OTUD4: variants seen among roughly 807,000 people sequenced by gnomAD.
OTUD4 encodes the protein OTU domain-containing protein 4.
In OTUD4, 24 loss-of-function variants were observed where a neutral mutation model predicts 130.4. The observed-to-expected ratio is 0.18, with a 90% CI of 0.13 to 0.26. The LOEUF (loss-of-function observed/expected upper bound fraction) is 0.26. OTUD4 is among the 10% of genes least tolerant of loss of function. OTUD4 has a pLI of 1.00. For missense variants in OTUD4, 1,031 were observed against 1,329.4 expected (o/e 0.78, Z 3.49); for synonymous variants, 420 against 472.5 (o/e 0.89, Z 1.44).
rs548801939 is a variant in OTUD4, at chr4:145,160,704, G to A, written c.497-1069C>T. ...GGTGCACACCTGTAATTCCAGCTAC[G>A]CAGGAGGCCGAGGCAGCAGAATCGC... On this transcript the variant is annotated intron_variant, in intron 6 of 20. Transcript: ENST00000447906. Among the ~76,000 whole-genome samples the A allele has an allele frequency of 1.2e-3, 182 of 152,100 alleles. 1 individual carries two copies. The highest frequency in any genetic ancestry group is 1.4e-3 in the Non-Finnish European group (93 of 68,004).
chr4:145,151,652 T>A (rs1458242398), intron 11 of OTUD4, among the ~76,000 whole-genome samples: 1 of 151,896 alleles, frequency 6.6e-6, no homozygotes, highest in Non-Finnish European at 1.5e-5. Flanking sequence ...ATGAAAAAAA[T>A]TTGCCAAACG....
intron 17 of OTUD4, among the ~76,000 whole-genome samples, chr4:145,142,994 ACT>A (rs1325694422): frequency 1.3e-5 from 2 of 152,158 alleles, no homozygotes; most frequent in Admixed American, 6.5e-5. Flanking sequence ...GATGCAGATA[ACT>A]CTTTTAAATT....
chr4:145,173,450 CAT>C (rs1752275109), intron 2 of OTUD4, among the ~76,000 whole-genome samples: 1 of 152,076 alleles, frequency 6.6e-6, no homozygotes, highest in Non-Finnish European at 1.5e-5. Flanking sequence ...TAATGCCTGG[CAT>C]ATAGTAAGCA....
chr4:145,167,328 AG>A (rs1751926622), intron 3 of OTUD4, among the ~76,000 whole-genome samples: 1 of 152,240 alleles, frequency 6.6e-6, no homozygotes, highest in Non-Finnish European at 1.5e-5. Context: ...TTTCCCTCAG[AG>A]ACTTTTCAAT....
At chr4:145,168,906 A>G (rs1197096764) in intron 3 of OTUD4, among the ~76,000 whole-genome samples, 2 of 152,262 alleles carry the variant, frequency 1.3e-5, no homozygotes, top group African/African-American at 4.8e-5. Context: ...TTAAATATCA[A>G]TCAGCTGGTA....
Position 145,141,413 on chromosome 4 carries a change from A to G in OTUD4, c.2049T>C (p.Tyr683=), listed in dbSNP as rs768192851. ...EKGDRAIVPP[Y]SLCQTGEDLP... is the part of the protein sequence containing the mutation. The stretch of plus-strand genomic sequence containing the variant: ...GGTCCTCCCCAGTCTGACACAGTGA[A>G]TAAGGTGGTACAATGGCTCGATCTC... The change falls in exon 19 of 21, where the codon TAT becomes TAC. Residue 683 remains tyrosine, a synonymous_variant. Transcript: ENST00000447906. 11 of 1,613,368 alleles carry G rather than the reference A, an allele frequency of 6.8e-6. No individual in the cohort carries two copies. Among genetic ancestry groups the G allele is most frequent in the African/African-American group, 1.3e-5 (1 of 75,010 alleles).
At chr4:145,144,708 C>T (rs1436934871) in intron 14 of OTUD4, among the ~76,000 whole-genome samples, 1 of 152,124 alleles carries the variant, frequency 6.6e-6, no homozygotes, top group African/African-American at 2.4e-5. Flanking sequence ...CAGGAAGCCA[C>T]CCTGAACAAA....
At position 145,150,719 on chromosome 4, in the gene OTUD4, G is replaced by A; in HGVS notation, c.1073-20C>T. ...CCACATCTGTTGTAAGAACCCAAAAGTACATGATAATATTCATATTATAAA... is the reference window on the plus strand; with the variant it reads ...CCACATCTGTTGTAAGAACCCAAAAATACATGATAATATTCATATTATAAA... On this transcript the variant is annotated intron_variant, in intron 12 of 20. Transcript: ENST00000447906. 6.2e-7 allele frequency: 1 copy of A among 1,608,016 alleles called. No homozygotes were observed. Among genetic ancestry groups the A allele is most frequent in the Non-Finnish European group, 8.5e-7 (1 of 1,175,054 alleles).
In OTUD4 at chr4:145,138,023, C is replaced by T; in HGVS notation, c.2752G>A (p.Glu918Lys). 6.2e-7 allele frequency: 1 copy of T among 1,614,218 alleles called. No individual in the cohort carries two copies. The highest frequency in any genetic ancestry group is 2.2e-5 in the East Asian group (1 of 44,852). ...GCTTCAGGGAGAGAATGTACATGTT[C>T]ACCCCTGGCTTCTGGAAACTCATCT... ...TVDEFPEARG[E>K]HVHSLPEASV... The change falls in exon 21 of 21, where the codon GAA becomes AAA. Residue 918 changes from glutamate to lysine, a missense_variant. By Grantham distance (56) the Glu-to-Lys change is moderately conservative. This residue lies in a region of OTUD4 where 900 missense variants were observed against 1,095.9 expected (regional missense o/e 0.82). Transcript: ENST00000447906.
At chr4:145,161,025 G>A (rs907087801) in intron 6 of OTUD4, among the ~76,000 whole-genome samples, 15 of 152,022 alleles carry the variant, frequency 9.9e-5, no homozygotes, top group African/African-American at 3.4e-4. Flanking sequence ...CAGGAGAATA[G>A]CTTAAACCCA....
intron 10 of OTUD4, among the ~76,000 whole-genome samples, chr4:145,154,152 G>C (rs1363635736): frequency 6.6e-6 from 1 of 152,206 alleles, no homozygotes; most frequent in Non-Finnish European, 1.5e-5. Context: ...TCTCTTTTGA[G>C]AAGGGTGGGG....
At chr4:145,158,912 G>A (rs1327586200) in intron 7 of OTUD4, among the ~76,000 whole-genome samples, 3 of 152,208 alleles carry the variant, frequency 2.0e-5, no homozygotes, top group Admixed American at 6.5e-5. Context: ...CCCAAGTCAA[G>A]TTAGCAGGAA....
At chr4:145,160,730 T>C (rs1184732731) in intron 6 of OTUD4, among the ~76,000 whole-genome samples, 1 of 152,224 alleles carries the variant, frequency 6.6e-6, no homozygotes, top group African/African-American at 2.4e-5. Context: ...GCAGAATCGC[T>C]TGAACCCAGA....
In OTUD4 at chr4:145,134,447, A is replaced by T. The variant is rs1378219486; in HGVS notation, c.*2983T>A. The T allele has an allele frequency of 2.8e-6, 1 of 361,350 alleles. No individual in the cohort carries two copies. The highest frequency in any genetic ancestry group is 4.9e-6 in the Non-Finnish European group (1 of 202,954). The allele number at this position is 361,350 out of a possible 1,614,324, so 22.4% of individuals were successfully genotyped here. A position where few individuals can be genotyped will look rare whatever the true frequency, so the allele number is the denominator to read the frequency against. ...TTCTAGGATGGCTGAATGTTTTCTA[A>T]ACCAGAAATGGTTAGAAAGGAACTT... is the stretch of plus-strand genomic sequence containing the variant. On this transcript the variant is annotated 3_prime_UTR_variant, in exon 21 of 21. Coordinates refer to ENST00000447906, the MANE Select transcript of OTUD4 (RefSeq NM_001366057.1).
At chr4:145,157,703 A>T (rs947436983) in intron 7 of OTUD4, among the ~76,000 whole-genome samples, 2 of 151,394 alleles carry the variant, frequency 1.3e-5, no homozygotes, top group Non-Finnish European at 1.5e-5. Context: ...AAAAAAAAAA[A>T]AAAAGAAATT....
chr4:145,150,527 A>G lies in OTUD4; in HGVS notation c.1245T>C (p.Pro415=), dbSNP rs1211021396. Reference sequence around the variant, plus strand: ...AAGAAGGTTACCTTATGATCTGTGAAGGTGTCCGGCTAAGATTTTTGTGCT... The same window carrying G: ...AAGAAGGTTACCTTATGATCTGTGAGGGTGTCCGGCTAAGATTTTTGTGCT... ...SSEHKNLSRT[P]SQIIRKPDRE... Residue 415 remains proline (P), a synonymous_variant, in exon 13 of 21, where the codon CCT becomes CCC. Coordinates refer to ENST00000447906, the MANE Select transcript of OTUD4 (RefSeq NM_001366057.1). 6.2e-7 allele frequency: 1 copy of G among 1,605,506 alleles called. No individual in the cohort carries two copies. Among genetic ancestry groups the G allele is most frequent in the Non-Finnish European group, 8.5e-7 (1 of 1,172,720 alleles).
rs200113018 is a variant in OTUD4, at chr4:145,138,412, G to A, written c.2363C>T (p.Pro788Leu). The A allele has an allele frequency of 1.5e-5, 24 of 1,614,126 alleles. No individual in the cohort carries two copies. The highest frequency in any genetic ancestry group is 6.7e-5 in the African/African-American group (5 of 75,026). Residue 788 changes from proline to leucine, a missense_variant, in exon 21 of 21, where the codon CCG becomes CTG. Physicochemically the swap from Pro to Leu is moderately conservative, Grantham distance 98. This residue lies in a region of OTUD4 where 900 missense variants were observed against 1,095.9 expected (regional missense o/e 0.82). Transcript: ENST00000447906. ...GQMPQPEIGPPTFSSPLVIPP... is the reference protein window; with the variant it reads ...GQMPQPEIGPLTFSSPLVIPP... ...GATAACCAGAGGTGAAGAAAATGTC[G>A]GCGGTCCAATCTCTGGCTGTGGCAT...
rs988462021 is a variant in OTUD4, at chr4:145,152,400, C to T, written c.968+141G>A. 1.1e-4 allele frequency: 62 copies of T among 576,696 alleles called. 1 individual carries two copies. The highest frequency in any genetic ancestry group is 7.2e-5 in the Non-Finnish European group (23 of 321,244). 35.7% of individuals were successfully genotyped at this position (576,696 alleles called of 1,614,324 possible). A position where few individuals can be genotyped will look rare whatever the true frequency, so the allele number is the denominator to read the frequency against. ...TGCTAGGATTACAGGCATGAGCCAC[C>T]GTCCCTGGCCCAAATATACTTTCTA... is the stretch of plus-strand genomic sequence containing the variant. On this transcript the variant is annotated intron_variant, in intron 11 of 20. Coordinates refer to ENST00000447906, the MANE Select transcript of OTUD4 (RefSeq NM_001366057.1).
In OTUD4 at chr4:145,165,180, C is replaced by A; in HGVS notation, c.312G>T (p.Val104=). The A allele has an allele frequency of 1.2e-6, 2 of 1,607,842 alleles. No homozygotes were observed. Among genetic ancestry groups the A allele is most frequent in the Non-Finnish European group, 1.7e-6 (2 of 1,175,794 alleles). The change falls in exon 4 of 21, where the codon GTG becomes GTT. Residue 104 remains valine (V), a synonymous_variant. Coordinates refer to ENST00000447906, the MANE Select transcript of OTUD4 (RefSeq NM_001366057.1). The stretch of plus-strand genomic sequence containing the variant: ...ACATAAGAGAAAGGGCACTTATTTC[C>A]ACTTGTCCTACCCATTCCTGTATTG... ...LENPQEWVGQ[V]EISALSLMYR... is the part of the protein sequence containing the mutation.
Sources: gnomAD v4.1 joint callset for allele counts (sites outside exome capture counted in the v4.1 genomes callset) on GRCh38, gnomAD v4.1.1 for gene constraint, gnomAD v4.1.1 regional missense constraint, MANE v1.5 for transcripts, NCBI Gene and HGNC (gene_info 2026-07-23, HGNC 2026-07-21) for gene names.